CPNE8: variants seen among roughly 807,000 people sequenced by gnomAD.
CPNE8 encodes the protein copine 8.
Under a neutral mutation model 81.5 loss-of-function variants are expected in CPNE8, and 45 were observed. The ratio of observed to expected loss-of-function variants is 0.55; its 90% CI spans 0.44 to 0.71. The LOEUF (loss-of-function observed/expected upper bound fraction) is 0.71. CPNE8 is among the 30% of genes least tolerant of loss of function. The pLI is 0.00. For synonymous variants in CPNE8, 252 were observed against 226.3 expected, an observed-to-expected ratio of 1.11 and a Z score of -1.02; for missense variants, 594 against 672.1, an observed-to-expected ratio of 0.88 and a Z score of 1.28.
chr12:38,787,749 T>C (rs1463643640), intron 6 of CPNE8, among the ~76,000 whole-genome samples: 2 of 151,486 alleles, frequency 1.3e-5, no homozygotes, highest in African/African-American at 2.4e-5. Flanking sequence ...AAATCAGAGA[T>C]GAAAGACAAG....
At chr12:38,821,230 T>C (rs912208602) in intron 6 of CPNE8, among the ~76,000 whole-genome samples, 1 of 152,238 alleles carries the variant, frequency 6.6e-6, no homozygotes, top group African/African-American at 2.4e-5. Context: ...TGATTATTCA[T>C]TTAATGAATA....
chr12:38,757,977 A>C (rs1191642641), intron 10 of CPNE8, among the ~76,000 whole-genome samples: 8 of 152,102 alleles, frequency 5.3e-5, no homozygotes, highest in Non-Finnish European at 1.0e-4. Context: ...ATCCTCCAGC[A>C]CTGCCAATCT....
intron 18 of CPNE8, 110 bp from the exon 19 acceptor site, chr12:38,670,912 G>T: frequency 1.4e-6 from 1 of 693,856 alleles, no homozygotes; most frequent in South Asian, 1.9e-5. Flanking sequence ...GCTATGAAAA[G>T]ACAGAAAGCA....
chr12:38,904,038 C>T (rs1263801254), intron 1 of CPNE8, among the ~76,000 whole-genome samples: 1 of 152,098 alleles, frequency 6.6e-6, no homozygotes, highest in Non-Finnish European at 1.5e-5. Flanking sequence ...CGAATTTTCA[C>T]CCCCAGAAAA....
At chr12:38,679,729 A>G (rs1433564061) in intron 16 of CPNE8, 1 of 981,272 alleles carries the variant, frequency 1.0e-6, no homozygotes, top group Non-Finnish European at 1.2e-6. Flanking sequence ...ATTTCAAACA[A>G]AATCAATGTT....
chr12:38,829,418 A>C lies in CPNE8; in HGVS notation c.368T>G (p.Ile123Ser). 6.2e-7 allele frequency: 1 copy of C among 1,613,458 alleles called. No homozygotes were observed. The highest frequency in any genetic ancestry group is 1.1e-5 in the South Asian group (1 of 91,064). Residue 123 changes from isoleucine to serine, a missense_variant, in exon 6 of 20, where the codon ATC becomes AGC. Physicochemically the swap from Ile to Ser is moderately radical, Grantham distance 142. Transcript: ENST00000331366. ...LGQVFCTLGE[I>S]VGSQGSRLEK... ...CAGGCGACTTCCCTGTGAACCAACG[A>C]TCTCTCCCAATGTACAAAACACTTG...
chr12:38,795,657 C>A (rs1942442770), intron 6 of CPNE8, among the ~76,000 whole-genome samples: 1 of 151,966 alleles, frequency 6.6e-6, no homozygotes, highest in African/African-American at 2.4e-5. Context: ...TATGAAATAT[C>A]TAAAGTAATC....
intron 10 of CPNE8, among the ~76,000 whole-genome samples, chr12:38,746,514 T>C (rs1941230129): frequency 6.6e-6 from 1 of 152,150 alleles, no homozygotes; most frequent in Non-Finnish European, 1.5e-5. Flanking sequence ...TGCTTCAGAG[T>C]TGAACGACTA....
At chr12:38,819,086 C>CT (rs1228497153) in intron 6 of CPNE8, among the ~76,000 whole-genome samples, 1 of 152,124 alleles carries the variant, frequency 6.6e-6, no homozygotes, top group Non-Finnish European at 1.5e-5. Flanking sequence ...TGTGGGTTGC[C>CT]TGTACACCCT....
At chr12:38,685,306 A>G (rs1366476364) in intron 16 of CPNE8, among the ~76,000 whole-genome samples, 184 bp downstream of exon 16, 1 of 152,218 alleles carries the variant, frequency 6.6e-6, no homozygotes, top group Non-Finnish European at 1.5e-5. Flanking sequence ...TTTAATGTAC[A>G]GTTCTCAGCA....
chr12:38,812,053 C>T (rs78949198), intron 6 of CPNE8, among the ~76,000 whole-genome samples: 1,972 of 152,016 alleles, frequency 0.013, 48 homozygotes, highest in African/African-American at 0.044. Context: ...GGATAACGGG[C>T]AATATAAACT....
At chr12:38,797,120 G>A (rs1174241481) in intron 6 of CPNE8, among the ~76,000 whole-genome samples, 2 of 152,140 alleles carry the variant, frequency 1.3e-5, no homozygotes, top group East Asian at 1.9e-4. Context: ...TGGGGGCAGG[G>A]CACAGACAAA....
chr12:38,698,715 G>T (rs1039184025), intron 14 of CPNE8, among the ~76,000 whole-genome samples: 17 of 152,078 alleles, frequency 1.1e-4, no homozygotes, highest in Non-Finnish European at 2.2e-4. Flanking sequence ...AGACATCAGG[G>T]TTTACTTTTG....
At chr12:38,749,799 A>T (rs1003444840) in intron 10 of CPNE8, among the ~76,000 whole-genome samples, 27 of 152,356 alleles carry the variant, frequency 1.8e-4, no homozygotes, top group African/African-American at 6.3e-4. Context: ...GAAGCAGAGC[A>T]TAAAAGTTCA....
chr12:38,679,761 A>G, intron 16 of CPNE8: 1 of 874,256 alleles, frequency 1.1e-6, no homozygotes, highest in Non-Finnish European at 1.4e-6. Flanking sequence ...TATTCTACTT[A>G]GCCTTTTATT....
At chr12:38,656,577 T>C (rs1368425551) in intron 19 of CPNE8, among the ~76,000 whole-genome samples, 1 of 152,150 alleles carries the variant, frequency 6.6e-6, no homozygotes, top group Non-Finnish European at 1.5e-5. Context: ...ACTTCCCAGT[T>C]TCAAAGCCTG....
At chr12:38,903,053 A>G (rs1212984183) in intron 1 of CPNE8, among the ~76,000 whole-genome samples, 2 of 152,184 alleles carry the variant, frequency 1.3e-5, no homozygotes, top group Admixed American at 1.3e-4. Flanking sequence ...ACCACCTCCT[A>G]TGGTTACAAG....
intron 18 of CPNE8, among the ~76,000 whole-genome samples, chr12:38,673,790 G>A (rs1168180365): frequency 6.6e-6 from 1 of 151,602 alleles, no homozygotes; most frequent in Non-Finnish European, 1.5e-5. Context: ...CTAAGATTAG[G>A]AGAAATAACT....
intron 6 of CPNE8, among the ~76,000 whole-genome samples, chr12:38,819,413 A>T (rs1943077876): frequency 6.6e-6 from 1 of 152,180 alleles, no homozygotes; most frequent in Non-Finnish European, 1.5e-5. Context: ...ACTTAAAATA[A>T]CAATTCACAG....
Sources: gnomAD v4.1 joint callset for allele counts (sites outside exome capture counted in the v4.1 genomes callset) on GRCh38, gnomAD v4.1.1 for gene constraint, MANE v1.5 for transcripts, NCBI Gene and HGNC (gene_info 2026-07-23, HGNC 2026-07-21) for gene names.